The following SLC4A10 variants were observed in gnomAD, a reference collection of about 807,000 sequenced individuals.
The protein encoded by SLC4A10 is sodium-driven chloride bicarbonate exchanger.
SLC4A10 carries 42 observed loss-of-function variants against 137.7 expected under a neutral mutation model. The observed-to-expected ratio is 0.30, with a 90% confidence interval of 0.24 to 0.39. SLC4A10 has a LOEUF of 0.39. SLC4A10 is among the 10% of genes least tolerant of loss of function. The pLI is 1.00. For synonymous variants in SLC4A10, 474 were observed against 464.1 expected (o/e 1.02, Z -0.27); for missense variants, 925 against 1,355.0 (o/e 0.68, Z 4.98).
At chr2:161,814,320 C>T (rs1225897901) in intron 3 of SLC4A10, among the ~76,000 whole-genome samples, 2 of 152,118 alleles carry the variant, frequency 1.3e-5, no homozygotes, top group Non-Finnish European at 2.9e-5. Context: ...TGCTTACACA[C>T]TGTTGGTGGG....
chr2:161,816,743 C>A (rs62187688), intron 3 of SLC4A10, among the ~76,000 whole-genome samples: 10,059 of 150,048 alleles, frequency 0.067, 436 homozygotes, highest in East Asian at 0.15. Context: ...GGTTTTTTGT[C>A]CTTGCAATAG....
intron 3 of SLC4A10, among the ~76,000 whole-genome samples, chr2:161,828,204 C>A (rs1470491279): frequency 6.6e-6 from 1 of 152,168 alleles, no homozygotes; most frequent in Non-Finnish European, 1.5e-5. Context: ...TGGACTTGTG[C>A]TCATTACATG....
intron 1 of SLC4A10, among the ~76,000 whole-genome samples, chr2:161,741,159 G>A (rs2047840927): frequency 6.6e-6 from 1 of 151,648 alleles, no homozygotes; most frequent in African/African-American, 2.4e-5. Flanking sequence ...CAGCTACTTG[G>A]GAGGCTGAAG....
At chr2:161,743,411 C>A (rs939997088) in intron 1 of SLC4A10, among the ~76,000 whole-genome samples, 6 of 152,228 alleles carry the variant, frequency 3.9e-5, no homozygotes, top group South Asian at 2.1e-4. Context: ...GCACCATTAT[C>A]AAAAATGAGT....
At chr2:161,953,841 A>G (rs114901629) in intron 19 of SLC4A10, among the ~76,000 whole-genome samples, 4,364 of 152,282 alleles carry the variant, frequency 0.029, 98 homozygotes, top group African/African-American at 0.062. Context: ...GTACATATAA[A>G]TCCATACTCT....
At chr2:161,688,753 G>A (rs1574356939) in intron 1 of SLC4A10, among the ~76,000 whole-genome samples, 1 of 152,162 alleles carries the variant, frequency 6.6e-6, no homozygotes, top group East Asian at 1.9e-4. Context: ...TTTCATTAGT[G>A]GGAAAATCAT....
intron 1 of SLC4A10, among the ~76,000 whole-genome samples, chr2:161,761,850 A>G (rs1280685737): frequency 6.6e-6 from 1 of 152,076 alleles, no homozygotes; most frequent in Admixed American, 6.6e-5. Flanking sequence ...ATTTCATTTC[A>G]ACAGACCAGA....
chr2:161,817,541 A>G (rs1459615152), intron 3 of SLC4A10, among the ~76,000 whole-genome samples: 3 of 152,068 alleles, frequency 2.0e-5, no homozygotes, highest in South Asian at 2.1e-4. Flanking sequence ...TGTTTTAGAC[A>G]TGAAGTCCTT....
At chr2:161,772,531 G>A (rs1336425143) in intron 2 of SLC4A10, among the ~76,000 whole-genome samples, 1 of 151,814 alleles carries the variant, frequency 6.6e-6, no homozygotes, top group African/African-American at 2.4e-5. Flanking sequence ...GTTTGGCATA[G>A]TTAAGAAATA....
chr2:161,772,227 G>C (rs2125425740), intron 2 of SLC4A10, among the ~76,000 whole-genome samples: 1 of 151,752 alleles, frequency 6.6e-6, no homozygotes, highest in South Asian at 2.1e-4. Context: ...ACTGGTAATG[G>C]ATAACATAAA....
intron 1 of SLC4A10, among the ~76,000 whole-genome samples, chr2:161,735,203 T>G (rs2125208808): frequency 6.7e-6 from 1 of 149,796 alleles, no homozygotes; most frequent in African/African-American, 2.4e-5. Context: ...GTAACCTTAC[T>G]TTTTAGTGAA....
At chr2:161,725,940 A>G (rs2125147994) in intron 1 of SLC4A10, among the ~76,000 whole-genome samples, 1 of 152,350 alleles carries the variant, frequency 6.6e-6, no homozygotes, top group East Asian at 1.9e-4. Context: ...TAACATTTAA[A>G]AGCACACATA....
intron 1 of SLC4A10, among the ~76,000 whole-genome samples, chr2:161,735,862 A>G (rs1399346132): frequency 2.0e-5 from 3 of 152,206 alleles, no homozygotes; most frequent in African/African-American, 4.8e-5. Context: ...CTTACAGTCA[A>G]ATTAAGTATC....
intron 25 of SLC4A10, 91 bp from the exon 26 acceptor site, chr2:161,977,631 C>T (rs1699590646): frequency 9.6e-7 from 1 of 1,041,668 alleles, no homozygotes; most frequent in African/African-American, 1.6e-5. Flanking sequence ...GGAATTGGGA[C>T]AGTGTTTACT....
intron 10 of SLC4A10, among the ~76,000 whole-genome samples, chr2:161,891,657 T>C (rs565090240): frequency 6.6e-6 from 1 of 152,150 alleles, no homozygotes; most frequent in South Asian, 2.1e-4. Context: ...AGGTCATTTA[T>C]ATTCTTCTCT....
intron 2 of SLC4A10, among the ~76,000 whole-genome samples, chr2:161,784,616 T>C (rs2053415201): frequency 6.6e-6 from 1 of 151,834 alleles, no homozygotes; most frequent in Non-Finnish European, 1.5e-5. Context: ...ATATTATAAA[T>C]ATGTGGACAT....
At chr2:161,944,043 A>C (rs1489713707) in intron 16 of SLC4A10, among the ~76,000 whole-genome samples, 3 of 151,910 alleles carry the variant, frequency 2.0e-5, no homozygotes, top group Non-Finnish European at 4.4e-5. Flanking sequence ...TCTGTAGAAT[A>C]AGCCTTCAGT....
intron 1 of SLC4A10, among the ~76,000 whole-genome samples, chr2:161,767,431 C>G (rs747533048): frequency 3.5e-4 from 53 of 151,328 alleles, no homozygotes; most frequent in Non-Finnish European, 4.0e-4. Flanking sequence ...ATACCTCACA[C>G]CTCATTTACC....
chr2:161,661,699 C>T (rs1021341412), intron 1 of SLC4A10, among the ~76,000 whole-genome samples: 4 of 152,128 alleles, frequency 2.6e-5, no homozygotes, highest in African/African-American at 9.7e-5. Context: ...CTGAGGAATT[C>T]ATTAATACTT....
Sources: gnomAD v4.1 joint callset for allele counts (sites outside exome capture counted in the v4.1 genomes callset) on GRCh38, gnomAD v4.1.1 for gene constraint, MANE v1.5 for transcripts, NCBI Gene and HGNC (gene_info 2026-07-23, HGNC 2026-07-21) for gene names.